DYNC2H1: variants seen among roughly 807,000 people sequenced by gnomAD.
DYNC2H1 encodes cytoplasmic dynein 2 heavy chain 1.
DYNC2H1 carries 410 observed loss-of-function variants against 570.0 expected under a neutral mutation model. That is an observed-to-expected ratio of 0.72 (90% CI 0.66 to 0.78). DYNC2H1 has a LOEUF of 0.78. Ranked by LOEUF, DYNC2H1 falls within the 30% of genes least tolerant of loss-of-function variation. DYNC2H1 has a pLI of 0.00. For missense variants in DYNC2H1, 4,865 were observed against 5,046.4 expected, an observed-to-expected ratio of 0.96 and a Z score of 1.09; for synonymous variants, 1,688 against 1,677.6, an observed-to-expected ratio of 1.01 and a Z score of -0.15.
At position 103,319,355 on chromosome 11, in the gene DYNC2H1, G is replaced by T. The variant is rs1176388103; in HGVS notation, c.11726-1674G>T. Among the ~76,000 whole-genome samples the T allele has an allele frequency of 1.3e-5, 2 of 152,062 alleles. No individual in the cohort carries two copies. Among genetic ancestry groups the T allele is most frequent in the East Asian group, 1.9e-4 (1 of 5,186 alleles). On this transcript the variant is annotated intron_variant, in intron 80 of 88. Transcript: ENST00000375735. This position sits in a 1 kb window ranked among gnomAD's most constrained non-coding sequence, Gnocchi z 4.3. ...ATTAAATGCCAAAAAAGAGAAAAAG[G>T]TCTAACTCTTGGGAACAATTGGTAT...
At position 103,121,037 on chromosome 11, in the gene DYNC2H1, GT is replaced by G. The variant is rs780539887; in HGVS notation, c.1360+2del. 1.7e-5 allele frequency: 26 copies of G among 1,531,776 alleles called. No individual in the cohort carries two copies. Among genetic ancestry groups the G allele is most frequent in the Non-Finnish European group, 2.0e-5 (23 of 1,134,640 alleles). The allele number at this position is 1,531,776 out of a possible 1,614,324, so 94.9% of individuals were successfully genotyped here. The stretch of plus-strand genomic sequence containing the variant: ...GCAAGACTTGTGGACTCAATTAAAG[GT>G]AAAAGTTTATGAGATTATAGTGTTT... On this transcript the variant is annotated splice_donor_variant, in intron 9 of 88. Coordinates refer to ENST00000375735, the MANE Select transcript of DYNC2H1 (RefSeq NM_001377.3). LOFTEE classifies it high-confidence loss of function.
intron 29 of DYNC2H1, among the ~76,000 whole-genome samples, chr11:103,162,237 T>A (rs552417740): frequency 7.0e-4 from 104 of 148,070 alleles, no homozygotes; most frequent in African/African-American, 2.4e-3. Context: ...TCACTCTAGC[T>A]TCAGTGAATT....
At chr11:103,220,579 G>T in intron 56 of DYNC2H1, 44 bp from the exon 57 acceptor site, 5 of 1,529,186 alleles carry the variant, frequency 3.3e-6, no homozygotes, top group East Asian at 2.3e-5. Context: ...ATGATTTAAA[G>T]AAATATATAA....
intron 65 of DYNC2H1, among the ~76,000 whole-genome samples, chr11:103,250,085 C>G (rs1864771909): frequency 6.6e-6 from 1 of 151,970 alleles, no homozygotes; most frequent in African/African-American, 2.4e-5. Context: ...TCTTTAAACA[C>G]TGGGATTATT....
chr11:103,120,538 C>A lies in DYNC2H1; in HGVS notation c.1091C>A (p.Pro364His). 1 of 1,612,980 alleles carries A rather than the reference C, an allele frequency of 6.2e-7. No homozygotes were observed. Among genetic ancestry groups the A allele is most frequent in the South Asian group, 1.1e-5 (1 of 90,944 alleles). Reference protein sequence around the residue: ...KIICLTRVFEPFTGLNPVQYN... With the variant: ...KIICLTRVFEHFTGLNPVQYN... The stretch of plus-strand genomic sequence containing the variant: ...ATATGCCTCACTCGAGTATTTGAAC[C>A]TTTTACTGGCCTGAATCCTGTGCAA... The change falls in exon 7 of 89, where the codon CCT becomes CAT. Residue 364 changes from proline to histidine, a missense_variant. Coordinates refer to ENST00000375735, the MANE Select transcript of DYNC2H1 (RefSeq NM_001377.3).
rs145239000 is a variant in DYNC2H1 at position 103,272,786 on chromosome 11, G to A, written c.10696-7562G>A. Among the ~76,000 whole-genome samples the A allele has an allele frequency of 3.4e-3, 514 of 151,946 alleles. 3 individuals carry two copies. The highest frequency in any genetic ancestry group is 0.011 in the African/African-American group (476 of 41,456). On this transcript the variant is annotated intron_variant, in intron 70 of 88. Transcript: ENST00000375735. ...TTATAATTATTTACTAGAGTGTATGGGATTTAATGTATGGGAGGTGTGGTT... is the reference window on the plus strand; with the variant it reads ...TTATAATTATTTACTAGAGTGTATGAGATTTAATGTATGGGAGGTGTGGTT...
intron 77 of DYNC2H1, among the ~76,000 whole-genome samples, chr11:103,306,551 C>T (rs1867292198): frequency 6.6e-6 from 1 of 151,910 alleles, no homozygotes; most frequent in Admixed American, 6.6e-5. Flanking sequence ...ATTTGCTAAC[C>T]CAAAGCAAAG....
chr11:103,141,436 C>G (rs142319904), intron 17 of DYNC2H1, among the ~76,000 whole-genome samples: 5,388 of 152,290 alleles, frequency 0.035, 153 homozygotes, highest in Non-Finnish European at 0.05. Flanking sequence ...GGACCCTCAA[C>G]TGTAGGTCTG....
intron 11 of DYNC2H1, among the ~76,000 whole-genome samples, chr11:103,124,615 A>G (rs1421730714): frequency 6.6e-6 from 1 of 152,158 alleles, no homozygotes; most frequent in Non-Finnish European, 1.5e-5. Flanking sequence ...GAAACACAAA[A>G]AAGGACAATT....
chr11:103,230,704 T>G (rs933484783), intron 59 of DYNC2H1, among the ~76,000 whole-genome samples: 2 of 152,164 alleles, frequency 1.3e-5, no homozygotes, highest in African/African-American at 4.8e-5. Flanking sequence ...GCTTTTGGCT[T>G]TTTGCGTTCC....
At chr11:103,331,431 G>C (rs1475150193) in intron 82 of DYNC2H1, among the ~76,000 whole-genome samples, 2 of 152,128 alleles carry the variant, frequency 1.3e-5, no homozygotes, top group Non-Finnish European at 2.9e-5. Flanking sequence ...AAAGGAATCT[G>C]TAGACCCCTG....
chr11:103,127,770 T>A (rs1304662225), intron 12 of DYNC2H1, among the ~76,000 whole-genome samples: 1 of 152,230 alleles, frequency 6.6e-6, no homozygotes, highest in Non-Finnish European at 1.5e-5. Context: ...ATTAATTAAT[T>A]CAACAAGCAT....
chr11:103,390,710 C>T (rs567149382), intron 83 of DYNC2H1, among the ~76,000 whole-genome samples: 232 of 152,286 alleles, frequency 1.5e-3, no homozygotes, highest in Admixed American at 4.1e-3. Context: ...CAAAATCTCT[C>T]AGCACTTGCT....
intron 78 of DYNC2H1, among the ~76,000 whole-genome samples, 155 bp from the exon 79 acceptor site, chr11:103,311,723 A>G (rs1867596667): frequency 6.6e-6 from 1 of 152,180 alleles, no homozygotes; most frequent in African/African-American, 2.4e-5. Flanking sequence ...ATTTAACACT[A>G]GTTTTATGTA....
rs770307712 is a variant in DYNC2H1, at chr11:103,396,209, GT to G, written c.12157-3452del. ...TCACATATCTGAGAAGGACTCTGAT[GT>G]TACCTAGACTCTATATCAATCCCCA... On this transcript the variant is annotated intron_variant, in intron 83 of 88. Transcript: ENST00000375735. Among the ~76,000 whole-genome samples, 8 of 152,278 alleles carry G rather than the reference GT, an allele frequency of 5.3e-5. No homozygotes were observed. The East Asian group carries it at 1.5e-3, about 29-fold the overall frequency.
intron 83 of DYNC2H1, among the ~76,000 whole-genome samples, chr11:103,389,900 G>C (rs1157629359): frequency 6.6e-6 from 1 of 152,140 alleles, no homozygotes; most frequent in Non-Finnish European, 1.5e-5. Context: ...ATTCGCTGAG[G>C]AGTGCTTTAC....
chr11:103,350,577 C>T (rs530532137), intron 82 of DYNC2H1, among the ~76,000 whole-genome samples: 2 of 152,178 alleles, frequency 1.3e-5, no homozygotes, highest in Admixed American at 1.3e-4. Context: ...GTTGGCTTGG[C>T]CTGCTATAAC....
At chr11:103,329,916 T>C (rs12274376) in intron 82 of DYNC2H1, among the ~76,000 whole-genome samples, 4,671 of 152,310 alleles carry the variant, frequency 0.031, 234 homozygotes, top group African/African-American at 0.11. Flanking sequence ...TTATATCTTT[T>C]CTAGAATTAC....
intron 78 of DYNC2H1, among the ~76,000 whole-genome samples, 193 bp downstream of exon 78, chr11:103,308,024 T>C (rs1202937555): frequency 1.3e-5 from 2 of 152,208 alleles, no homozygotes; most frequent in African/African-American, 2.4e-5. Context: ...CATACTTATG[T>C]TTTTTGTTTT....
Sources: gnomAD v4.1 joint callset for allele counts (sites outside exome capture counted in the v4.1 genomes callset) on GRCh38, gnomAD v4.1.1 for gene constraint, Gnocchi (gnomAD v3.1) non-coding constraint, MANE v1.5 for transcripts, NCBI Gene and HGNC (gene_info 2026-07-23, HGNC 2026-07-21) for gene names.